WDR77: variants seen among roughly 807,000 people sequenced by gnomAD.
WDR77 encodes the protein WD repeat domain 77.
A neutral mutation model predicts 44.0 loss-of-function variants in WDR77; 31 were observed. The observed-to-expected ratio is 0.70, with a 90% CI of 0.53 to 0.95. The LOEUF is 0.95. Among genes scored for constraint, WDR77 ranks in the 40% least tolerant of loss-of-function variants. The pLI is 0.00. For missense variants in WDR77, 390 were observed against 423.9 expected, an observed-to-expected ratio of 0.92 and a Z score of 0.70; for synonymous variants, 186 against 165.7, an observed-to-expected ratio of 1.12 and a Z score of -0.94.
At chr1:111,448,849 C>T in intron 1 of WDR77, 45 bp from the exon 2 acceptor site, 1 of 1,551,528 alleles carries the variant, frequency 6.4e-7, no homozygotes, top group East Asian at 2.4e-5. Context: ...TAGAAGGGTT[C>T]GCCTCCATGG....
chr1:111,444,161 C>A (rs1272021937), intron 4 of WDR77, 37 bp from the exon 5 acceptor site: 3 of 1,603,878 alleles, frequency 1.9e-6, no homozygotes, highest in Non-Finnish European at 2.6e-6. Flanking sequence ...TGATAGAAAA[C>A]AAGCTGAAGC....
intron 6 of WDR77, chr1:111,443,654 G>A (rs1652905876): frequency 1.0e-6 from 1 of 985,342 alleles, no homozygotes; most frequent in Non-Finnish European, 1.2e-6. Context: ...ATCTAATAAA[G>A]TAAATCACCC....
chr1:111,445,601 A>C (rs887880952), intron 4 of WDR77, among the ~76,000 whole-genome samples: 4 of 152,208 alleles, frequency 2.6e-5, no homozygotes, highest in Admixed American at 6.5e-5. Context: ...CTCTACAAAA[A>C]ATAGAAAAAT....
rs377591576 is a variant in WDR77, at chr1:111,441,225, C to T, written c.*5G>A. On this transcript the variant is annotated 3_prime_UTR_variant, in exon 10 of 10. Transcript: ENST00000235090. Reference sequence around the variant, plus strand: ...GGGGGACTTGCTTTTTGTCTTAAATCCAATCTACTCAGTAACACTTGCAGG... The same window carrying T: ...GGGGGACTTGCTTTTTGTCTTAAATTCAATCTACTCAGTAACACTTGCAGG... 3.3e-6 allele frequency: 5 copies of T among 1,495,908 alleles called. No individual in the cohort carries two copies. The African/African-American group carries it at 7.1e-5, about 21-fold the overall frequency. 92.7% of individuals were successfully genotyped at this position (1,495,908 alleles called of 1,614,324 possible). A position where few individuals can be genotyped will look rare whatever the true frequency, so the allele number is the denominator to read the frequency against.
chr1:111,448,018 G>A (rs1057332937), intron 2 of WDR77, among the ~76,000 whole-genome samples: 1 of 152,212 alleles, frequency 6.6e-6, no homozygotes, highest in South Asian at 2.1e-4. Context: ...TTAAAAATAT[G>A]TTGAATAATT....
At chr1:111,448,913 G>C (rs989468117) in intron 1 of WDR77, 109 bp from the exon 2 acceptor site, 1 of 1,541,474 alleles carries the variant, frequency 6.5e-7, no homozygotes, top group African/African-American at 1.4e-5. Context: ...CAGGAACGCG[G>C]GGCAGGGCTG....
intron 1 of WDR77, 32 bp from the exon 2 acceptor site, chr1:111,448,836 G>A (rs774924444): frequency 1.9e-6 from 3 of 1,554,122 alleles, no homozygotes; most frequent in African/African-American, 1.4e-5. Context: ...AGCGCGTGAA[G>A]GGTAGAAGGG....
chr1:111,447,180 C>A, intron 3 of WDR77, 36 bp from the exon 4 acceptor site: 1 of 1,610,640 alleles, frequency 6.2e-7, no homozygotes, highest in Non-Finnish European at 8.5e-7. Flanking sequence ...TTAATCTTGA[C>A]CTACACTATC....
chr1:111,448,222 T>C (rs562741691), intron 2 of WDR77, among the ~76,000 whole-genome samples: 1 of 150,064 alleles, frequency 6.7e-6, no homozygotes, highest in African/African-American at 2.4e-5. Context: ...TCGCTAAGCC[T>C]AACAGTCAAC....
rs887961257 is a variant in WDR77, at chr1:111,443,535, G to A, written c.620-141C>T. ...AAGGCAGCAGTGTCCTCATCCTTGA[G>A]CCTCATAACCATTTATCCCAGCAGC... On this transcript the variant is annotated intron_variant, in intron 6 of 9. Transcript: ENST00000235090. 20 of 1,263,048 alleles carry A rather than the reference G, an allele frequency of 1.6e-5. No individual in the cohort carries two copies. In the East Asian group the frequency reaches 4.8e-4, roughly 31 times the overall value. The allele number at this position is 1,263,048 out of a possible 1,614,324, so 78.2% of individuals were successfully genotyped here.
rs759684753 is a variant in WDR77 at position 111,441,132 on chromosome 1, A to G, written c.*98T>C. ...TTAACGGCACAGATCTAGCATATCA[A>G]CATACTATAGAAGGCTCCTGTGTTG... On this transcript the variant is annotated 3_prime_UTR_variant, in exon 10 of 10. Transcript: ENST00000235090. 172 of 1,267,378 alleles carry G rather than the reference A, an allele frequency of 1.4e-4. No homozygotes were observed. The highest frequency in any genetic ancestry group is 1.8e-4 in the Non-Finnish European group (171 of 968,914). The allele number at this position is 1,267,378 out of a possible 1,614,324, so 78.5% of individuals were successfully genotyped here.
Position 111,442,027 on chromosome 1 carries a change from CT to C in WDR77, c.866del (p.Glu289GlyfsTer12). 6.2e-7 allele frequency: 1 copy of C among 1,614,030 alleles called. No individual in the cohort carries two copies. The highest frequency in any genetic ancestry group is 8.5e-7 in the Non-Finnish European group (1 of 1,179,900). The stretch of plus-strand genomic sequence containing the variant: ...AAAGGATTCCACTTCACACTTACAA[CT>C]CAGAAAGGCTTGAGTCCAGCACAGC... ...SLAVLDSSLS[E>X]LFRSQAHRDF... On this transcript the variant is annotated frameshift_variant, in exon 9 of 10. Coordinates refer to ENST00000235090, the MANE Select transcript of WDR77 (RefSeq NM_024102.4). LOFTEE classifies it high-confidence loss of function.
At chr1:111,444,345 A>G (rs1652936126) in intron 4 of WDR77, among the ~76,000 whole-genome samples, 1 of 152,098 alleles carries the variant, frequency 6.6e-6, no homozygotes, top group African/African-American at 2.4e-5. Context: ...GTATTAGTGA[A>G]GATAATGAAT....
At chr1:111,447,168 A>G in intron 3 of WDR77, 24 bp from the exon 4 acceptor site, 2 of 1,613,898 alleles carry the variant, frequency 1.2e-6, no homozygotes, top group African/African-American at 1.3e-5. Context: ...GCAAACAGAC[A>G]TTTAATCTTG....
chr1:111,446,087 T>C (rs1193446794), intron 4 of WDR77, among the ~76,000 whole-genome samples: 1 of 152,220 alleles, frequency 6.6e-6, no homozygotes, highest in Non-Finnish European at 1.5e-5. Flanking sequence ...TTCAACATTA[T>C]TGTAAAACTA....
chr1:111,442,648 A>G lies in WDR77; in HGVS notation c.800+5T>C. The G allele has an allele frequency of 1.3e-6, 2 of 1,557,614 alleles. No individual in the cohort carries two copies. The highest frequency in any genetic ancestry group is 8.7e-7 in the Non-Finnish European group (1 of 1,146,146). On this transcript the variant is annotated splice_donor_5th_base_variant and intron_variant, in intron 8 of 9. Transcript: ENST00000235090. ...CATCAGGCCCCTGATGACAAAGAAC[A>G]GTACCTGTGTGGGGAGAACACCAGC...
intron 6 of WDR77, 119 bp downstream of exon 6, chr1:111,443,748 C>A: frequency 6.5e-7 from 1 of 1,535,534 alleles, no homozygotes; most frequent in Non-Finnish European, 8.8e-7. Context: ...GAGATTATGT[C>A]ACTCATGTCA....
intron 4 of WDR77, among the ~76,000 whole-genome samples, chr1:111,445,235 T>G (rs2101745163): frequency 6.6e-6 from 1 of 152,338 alleles, no homozygotes; most frequent in South Asian, 2.1e-4. Context: ...TGGAAACCTT[T>G]TCTACAGTCA....
chr1:111,447,220 C>T (rs1427117868), intron 3 of WDR77, 76 bp from the exon 4 acceptor site: 4 of 1,572,250 alleles, frequency 2.5e-6, no homozygotes, highest in East Asian at 4.5e-5. Context: ...ACAAGAACTT[C>T]CTGTAATCAA....
Sources: allele counts gnomAD v4.1 joint callset (sites outside exome capture counted in the v4.1 genomes callset), GRCh38; gene constraint gnomAD v4.1.1; transcripts MANE v1.5; gene names NCBI Gene and HGNC (gene_info 2026-07-23, HGNC 2026-07-21).